The following TCF12 variants were observed in gnomAD, a reference collection of about 807,000 sequenced individuals.
TCF12 encodes DNA-binding protein HTF4.
Under a neutral mutation model 86.0 loss-of-function variants are expected in TCF12, and 45 were observed. The ratio of observed to expected loss-of-function variants is 0.52; its 90% CI spans 0.41 to 0.67. The LOEUF (loss-of-function observed/expected upper bound fraction) is 0.67, where lower values mean the gene tolerates loss of function less well. Among genes scored for constraint, TCF12 ranks in the 30% least tolerant of loss-of-function variants. The probability of loss-of-function intolerance (pLI) is 0.00; values close to 1 mark genes in which losing one functional copy is unlikely to be tolerated. For synonymous variants in TCF12, 330 were observed against 299.6 expected, an observed-to-expected ratio of 1.10 and a Z score of -1.05; for missense variants, 881 against 859.9, an observed-to-expected ratio of 1.02 and a Z score of -0.31.
intron 5 of TCF12, among the ~76,000 whole-genome samples, chr15:57,123,982 A>AAAAAAAAAAAAAAAAAAAAAAAAT (rs1555511574): frequency 5.4e-5 from 6 of 111,264 alleles, no homozygotes; most frequent in African/African-American, 1.8e-4. Context: ...AAAAAAAAAA[A>AAAAAAAAAAAAAAAAAAAAAAAAT]TTTTTTTTTT....
At chr15:56,949,005 G>A (rs1406246662) in intron 3 of TCF12, among the ~76,000 whole-genome samples, 1 of 152,168 alleles carries the variant, frequency 6.6e-6, no homozygotes. Context: ...GACTATGCAT[G>A]AGGGAAAATA....
chr15:57,075,800 TTCTTTCTCTCTC>T (rs1447367274), intron 4 of TCF12, among the ~76,000 whole-genome samples: 2 of 20,484 alleles, frequency 9.8e-5, no homozygotes, highest in African/African-American at 1.5e-4. Flanking sequence ...CTTTCTTTCT[TTCTTTCTCTCTC>T]TCTCTCTCTC....
intron 3 of TCF12, among the ~76,000 whole-genome samples, chr15:57,050,582 A>G (rs1295317197): frequency 5.9e-5 from 9 of 151,962 alleles, no homozygotes; most frequent in African/African-American, 2.2e-4. Flanking sequence ...TTGGATCTAC[A>G]GTTTTTTCAC....
intron 5 of TCF12, among the ~76,000 whole-genome samples, chr15:57,125,213 A>G (rs1348612509): frequency 2.0e-5 from 3 of 152,214 alleles, no homozygotes; most frequent in African/African-American, 7.2e-5. Context: ...AGGGAAACCT[A>G]AGAAAACCAA....
intron 5 of TCF12, among the ~76,000 whole-genome samples, chr15:57,093,377 T>C (rs2049118316): frequency 6.6e-6 from 1 of 152,198 alleles, no homozygotes; most frequent in Non-Finnish European, 1.5e-5. Flanking sequence ...GTCCGTGTTT[T>C]TGTAATTTTG....
At chr15:56,974,658 A>G (rs968259065) in intron 3 of TCF12, among the ~76,000 whole-genome samples, 7 of 152,064 alleles carry the variant, frequency 4.6e-5, no homozygotes, top group Admixed American at 2.0e-4. Context: ...TAGAGGTTAG[A>G]TACTAGTTTG....
chr15:57,272,948 T>G (rs570490248), intron 18 of TCF12, 82 bp from the exon 19 acceptor site: 1 of 1,316,740 alleles, frequency 7.6e-7, no homozygotes, highest in East Asian at 2.5e-5. Flanking sequence ...CATTTCCATC[T>G]TTACGCTTTA....
chr15:56,972,389 T>TAC (rs2062383837), intron 3 of TCF12, among the ~76,000 whole-genome samples: 1 of 152,234 alleles, frequency 6.6e-6, no homozygotes, highest in South Asian at 2.1e-4. Context: ...TAGTTGTCAG[T>TAC]ACATAGGAAA....
intron 3 of TCF12, among the ~76,000 whole-genome samples, chr15:57,007,203 T>C (rs2064433418): frequency 6.6e-6 from 1 of 152,198 alleles, no homozygotes; most frequent in Non-Finnish European, 1.5e-5. Flanking sequence ...CTAAATATTC[T>C]TCTGCAAGAA....
chr15:57,123,982 A>AAAAAAAAAAAAAAAAG (rs1555511574), intron 5 of TCF12, among the ~76,000 whole-genome samples: 2 of 111,214 alleles, frequency 1.8e-5, no homozygotes, highest in Non-Finnish European at 4.1e-5. Context: ...AAAAAAAAAA[A>AAAAAAAAAAAAAAAAG]TTTTTTTTTT....
At chr15:57,152,462 G>T (rs2053830535) in intron 5 of TCF12, among the ~76,000 whole-genome samples, 1 of 152,084 alleles carries the variant, frequency 6.6e-6, no homozygotes, top group Admixed American at 6.6e-5. Context: ...AAAGGATCTA[G>T]TGGGAAACAT....
rs182982505 is a variant in TCF12 at position 57,216,883 on chromosome 15, A to G, written c.580-14269A>G. 7.6e-4 allele frequency among the ~76,000 whole-genome samples: 115 copies of G among 152,240 alleles called. 3 individuals are homozygous for G. The East Asian group carries it at 0.021, about 28-fold the overall frequency. On this transcript the variant is annotated intron_variant, in intron 8 of 20. Transcript: ENST00000333725. ...TTAAAAGACTTTTCCATAGCATACAAGTAGAATATAGGGGCATTTTATGTA... is the reference window on the plus strand; with the variant it reads ...TTAAAAGACTTTTCCATAGCATACAGGTAGAATATAGGGGCATTTTATGTA...
intron 3 of TCF12, among the ~76,000 whole-genome samples, chr15:57,022,115 C>T (rs1231763782): frequency 3.9e-5 from 6 of 151,936 alleles, no homozygotes; most frequent in Non-Finnish European, 7.4e-5. Context: ...ATGTGCACAA[C>T]GTGCAGGTTT....
intron 5 of TCF12, among the ~76,000 whole-genome samples, chr15:57,110,965 G>A (rs575635958): frequency 6.6e-6 from 1 of 152,334 alleles, no homozygotes; most frequent in South Asian, 2.1e-4. Flanking sequence ...AAATGGGTCA[G>A]TGGACAGAAA....
chr15:56,986,936 G>C (rs1170328651), intron 3 of TCF12, among the ~76,000 whole-genome samples: 1 of 152,104 alleles, frequency 6.6e-6, no homozygotes, highest in Middle Eastern at 3.2e-3. Flanking sequence ...TTCTGTTAAG[G>C]AACTCGTTTA....
chr15:56,921,846 C>G (rs1307573603), intron 3 of TCF12, among the ~76,000 whole-genome samples: 1 of 151,936 alleles, frequency 6.6e-6, no homozygotes, highest in Non-Finnish European at 1.5e-5. Context: ...TCATAACCAC[C>G]TAAACACTTT....
chr15:57,064,659 G>T (rs1348714727), intron 4 of TCF12, among the ~76,000 whole-genome samples: 2 of 151,812 alleles, frequency 1.3e-5, no homozygotes, highest in Admixed American at 6.6e-5. Context: ...GCCAAGGCGT[G>T]GGGGTGGGCA....
At chr15:56,936,138 A>G (rs1330794042) in intron 3 of TCF12, among the ~76,000 whole-genome samples, 2 of 152,192 alleles carry the variant, frequency 1.3e-5, no homozygotes, top group East Asian at 1.9e-4. Context: ...TTTTTACCGC[A>G]TCTATTATCT....
chr15:57,068,653 T>C (rs1286921955), intron 4 of TCF12, among the ~76,000 whole-genome samples: 5 of 152,122 alleles, frequency 3.3e-5, no homozygotes, highest in African/African-American at 1.2e-4. Flanking sequence ...GGAACAATCA[T>C]CAGATTTACT....
Sources: gnomAD v4.1 joint callset for allele counts (sites outside exome capture counted in the v4.1 genomes callset) on GRCh38, gnomAD v4.1.1 for gene constraint, MANE v1.5 for transcripts, NCBI Gene and HGNC (gene_info 2026-07-23, HGNC 2026-07-21) for gene names.